BIN1: variants seen among roughly 807,000 people sequenced by gnomAD.
BIN1 encodes the protein bridging integrator 1.
A neutral mutation model predicts 82.0 loss-of-function variants in BIN1; 53 were observed. The observed-to-expected ratio is 0.65, with a 90% confidence interval of 0.52 to 0.81. BIN1 has a LOEUF of 0.81. BIN1 is among the 40% of genes least tolerant of loss of function. BIN1 has a pLI of 0.00. For missense variants in BIN1, 642 were observed against 784.4 expected, an observed-to-expected ratio of 0.82 and a Z score of 2.17; for synonymous variants, 302 against 328.0, an observed-to-expected ratio of 0.92 and a Z score of 0.86.
intron 1 of BIN1, among the ~76,000 whole-genome samples, chr2:127,096,057 G>A (rs1438735222): frequency 6.6e-6 from 1 of 152,152 alleles, no homozygotes; most frequent in Non-Finnish European, 1.5e-5. Context: ...TTCCTCCAGT[G>A]AGCAAGTGAG....
In BIN1 at chr2:127,059,291, T is replaced by A; in HGVS notation, c.858-136A>T. 3.4e-6 allele frequency: 3 copies of A among 890,666 alleles called. No homozygotes were observed. Among genetic ancestry groups the A allele is most frequent in the Non-Finnish European group, 5.0e-6 (3 of 603,524 alleles). The allele number at this position is 890,666 out of a possible 1,614,324, so 55.2% of individuals were successfully genotyped here. On this transcript the variant is annotated intron_variant, in intron 10 of 18. Transcript: ENST00000316724. This position sits in a 1 kb window ranked among gnomAD's most constrained non-coding sequence, Gnocchi z 6.7. The stretch of plus-strand genomic sequence containing the variant: ...GAAACTGTGTGTGTGTGTGTGTGTG[T>A]GTATGTGAGAGAGAGCAGGAGGGTG...
intron 10 of BIN1, among the ~76,000 whole-genome samples, chr2:127,061,174 C>A (rs1342237347): frequency 6.6e-6 from 1 of 151,856 alleles, no homozygotes; most frequent in East Asian, 1.9e-4. Context: ...TTGAATTCAC[C>A]TTTTGGCCTT....
At chr2:127,099,679 A>G (rs1457103639) in intron 1 of BIN1, among the ~76,000 whole-genome samples, 3 of 151,610 alleles carry the variant, frequency 2.0e-5, no homozygotes, top group Non-Finnish European at 4.4e-5. Flanking sequence ...ACACCCAGCT[A>G]ATTTTTGTAT....
chr2:127,101,137 C>T (rs1259154139), intron 1 of BIN1, among the ~76,000 whole-genome samples: 1 of 152,120 alleles, frequency 6.6e-6, no homozygotes, highest in Non-Finnish European at 1.5e-5. Flanking sequence ...CCTTTAGCAG[C>T]CCCTCCTGCC....
rs993524052 is a variant in BIN1 at position 127,067,813 on chromosome 2, C to A, written c.612+350G>T. 6.6e-5 allele frequency among the ~76,000 whole-genome samples: 10 copies of A among 152,166 alleles called. No individual in the cohort carries two copies. The highest frequency in any genetic ancestry group is 2.2e-4 in the African/African-American group (9 of 41,434). ...AAGGACAGGCATGGCAGTACAGGGG[C>A]CTGATGATGTCGCCTCCCTCCCCAG... is the stretch of plus-strand genomic sequence containing the variant. On this transcript the variant is annotated intron_variant, in intron 7 of 18. Transcript: ENST00000316724. The surrounding 1 kb of genome is among the most constrained non-coding windows in gnomAD (Gnocchi z 4.7).
In BIN1 at chr2:127,070,537, C is replaced by T; in HGVS notation, c.315+16G>A. On this transcript the variant is annotated intron_variant, in intron 4 of 18. Coordinates refer to ENST00000316724, the MANE Select transcript of BIN1 (RefSeq NM_139343.3). ...GGGCCCTCTGAGAAGGGCAGGCCCACCTGTCCCATGCTCACCTCTGCGATC... is the reference window on the plus strand; with the variant it reads ...GGGCCCTCTGAGAAGGGCAGGCCCATCTGTCCCATGCTCACCTCTGCGATC... 6.2e-7 allele frequency: 1 copy of T among 1,613,812 alleles called. No homozygotes were observed. The highest frequency in any genetic ancestry group is 2.2e-5 in the East Asian group (1 of 44,860).
intron 1 of BIN1, among the ~76,000 whole-genome samples, chr2:127,081,583 C>A (rs1404875970): frequency 6.6e-6 from 1 of 152,192 alleles, no homozygotes; most frequent in Non-Finnish European, 1.5e-5. Context: ...GCCCAGGGGC[C>A]CAGGAGGGAA....
intron 1 of BIN1, among the ~76,000 whole-genome samples, chr2:127,101,335 C>T (rs78040477): frequency 0.022 from 3,389 of 152,282 alleles, 137 homozygotes; most frequent in African/African-American, 0.078. Flanking sequence ...TCACCTGGGA[C>T]GGGAGCTGCC....
chr2:127,063,115 C>G (rs779345009), intron 9 of BIN1, among the ~76,000 whole-genome samples: 5 of 152,254 alleles, frequency 3.3e-5, no homozygotes, highest in Admixed American at 6.5e-5. Context: ...GTACGCTAAT[C>G]AGACCAGACC....
At position 127,067,640 on chromosome 2, in the gene BIN1, G is replaced by GA. The variant is rs1420859004; in HGVS notation, c.612+522dup. 6.6e-6 allele frequency among the ~76,000 whole-genome samples: 1 copy of GA among 152,194 alleles called. No individual in the cohort carries two copies. The highest frequency in any genetic ancestry group is 1.9e-4 in the East Asian group (1 of 5,194). On this transcript the variant is annotated intron_variant, in intron 7 of 18. Coordinates refer to ENST00000316724, the MANE Select transcript of BIN1 (RefSeq NM_139343.3). This position sits in a 1 kb window ranked among gnomAD's most constrained non-coding sequence, Gnocchi z 4.7. The stretch of plus-strand genomic sequence containing the variant: ...TCACCACGGGGACCACAAGTCCGAG[G>GA]AAAATGACGCAGGGGCTTCAGTCAG...
chr2:127,100,909 G>A (rs976440255), intron 1 of BIN1, among the ~76,000 whole-genome samples: 2 of 151,516 alleles, frequency 1.3e-5, no homozygotes, highest in African/African-American at 4.9e-5. Flanking sequence ...CTTCACCACA[G>A]CCCCAGCGGC....
intron 1 of BIN1, 38 bp from the exon 2 acceptor site, chr2:127,076,744 G>A (rs906426738): frequency 1.2e-6 from 2 of 1,611,274 alleles, no homozygotes; most frequent in South Asian, 1.1e-5. Flanking sequence ...GTGTTACCTT[G>A]GAAAGGAGAG....
In BIN1 at chr2:127,063,494, C is replaced by A. The variant is rs1684761729; in HGVS notation, c.774+77G>T. 5.5e-6 allele frequency: 8 copies of A among 1,457,978 alleles called. No homozygotes were observed. In the Admixed American group the frequency reaches 1.3e-4, roughly 24 times the overall value. 90.3% of individuals were successfully genotyped at this position (1,457,978 alleles called of 1,614,324 possible). A position where few individuals can be genotyped will look rare whatever the true frequency, so the allele number is the denominator to read the frequency against. On this transcript the variant is annotated intron_variant, in intron 9 of 18. Coordinates refer to ENST00000316724, the MANE Select transcript of BIN1 (RefSeq NM_139343.3). ...CCTGGCAGGGAAGGAGGAGTTCAGGCTGCCCCTCCCACGACTCTGACTCTG... is the reference window on the plus strand; with the variant it reads ...CCTGGCAGGGAAGGAGGAGTTCAGGATGCCCCTCCCACGACTCTGACTCTG...
intron 16 of BIN1, 82 bp downstream of exon 16, chr2:127,051,072 C>A: frequency 6.3e-7 from 1 of 1,575,518 alleles, no homozygotes; most frequent in Non-Finnish European, 8.7e-7. Context: ...TGGACCAGCA[C>A]CAGCAGGGGC....
intron 18 of BIN1, among the ~76,000 whole-genome samples, chr2:127,050,062 G>A (rs1682691933): frequency 6.6e-6 from 1 of 152,236 alleles, no homozygotes; most frequent in African/African-American, 2.4e-5. Context: ...CCTGTCCCAG[G>A]AGGGAGGCAG....
At chr2:127,099,243 T>C (rs1235879249) in intron 1 of BIN1, among the ~76,000 whole-genome samples, 6 of 152,138 alleles carry the variant, frequency 3.9e-5, no homozygotes, top group Non-Finnish European at 1.5e-5. Flanking sequence ...GGGGATGAGA[T>C]GCCTTGGTGA....
At chr2:127,089,699 G>C (rs1225917035) in intron 1 of BIN1, among the ~76,000 whole-genome samples, 1 of 152,078 alleles carries the variant, frequency 6.6e-6, no homozygotes, top group African/African-American at 2.4e-5. Flanking sequence ...AGGGCATCTA[G>C]TCTGGGCAGC....
chr2:127,053,482 A>G, intron 13 of BIN1, 37 bp from the exon 14 acceptor site: 2 of 1,611,982 alleles, frequency 1.2e-6, no homozygotes, highest in Non-Finnish European at 1.7e-6. Context: ...GACAGTTAGC[A>G]CAGAGGTTAG....
At chr2:127,102,139 G>A (rs907811992) in intron 1 of BIN1, among the ~76,000 whole-genome samples, 5 of 152,306 alleles carry the variant, frequency 3.3e-5, no homozygotes, top group African/African-American at 1.2e-4. Context: ...AGCATGTCAG[G>A]GAAACCCAGA....
Sources: allele counts gnomAD v4.1 joint callset (sites outside exome capture counted in the v4.1 genomes callset), GRCh38; gene constraint gnomAD v4.1.1; non-coding constraint Gnocchi (gnomAD v3.1); transcripts MANE v1.5; gene names NCBI Gene and HGNC (gene_info 2026-07-23, HGNC 2026-07-21).